The following PDE2A variants were observed in gnomAD, a reference collection of about 807,000 sequenced individuals.
PDE2A encodes the protein cGMP-dependent 3',5'-cyclic phosphodiesterase.
A neutral mutation model predicts 133.6 loss-of-function variants in PDE2A; 53 were observed. The ratio of observed to expected loss-of-function variants is 0.40; its 90% confidence interval spans 0.32 to 0.50. The LOEUF is 0.50. Ranked by LOEUF, PDE2A falls within the 20% of genes least tolerant of loss-of-function variation. The probability of loss-of-function intolerance (pLI) is 0.73; values close to 1 mark genes in which losing one functional copy is unlikely to be tolerated. For synonymous variants in PDE2A, 491 were observed against 490.2 expected (o/e 1.00, Z -0.02); for missense variants, 796 against 1,232.4 (o/e 0.65, Z 5.30).
chr11:72,646,553 C>T (rs1462043470), intron 1 of PDE2A, among the ~76,000 whole-genome samples: 3 of 152,208 alleles, frequency 2.0e-5, no homozygotes, highest in African/African-American at 7.2e-5. Context: ...CCAGGACCCC[C>T]CAAAGCCAGG....
intron 2 of PDE2A, among the ~76,000 whole-genome samples, chr11:72,613,957 C>T (rs980509822): frequency 1.3e-5 from 2 of 152,226 alleles, no homozygotes; most frequent in African/African-American, 2.4e-5. Flanking sequence ...CAAGCACAGC[C>T]GCCCAGTCAG....
At position 72,590,532 on chromosome 11, in the gene PDE2A, T is replaced by C; in HGVS notation, c.598A>G (p.Arg200Gly). Residue 200 changes from arginine to glycine, a missense_variant, in exon 8 of 31, where the codon AGG becomes GGG. This residue lies in a region of PDE2A where 417 missense variants were observed against 475.3 expected (regional missense o/e 0.88). Transcript: ENST00000334456. This position sits in a 1 kb window ranked among gnomAD's most constrained non-coding sequence, Gnocchi z 4.8. ...TTCTGGACGGCTCGGGGAGCCTCCCTGGGCCCGCGCTGCTGCAGGACCTGC... is the reference window on the plus strand; with the variant it reads ...TTCTGGACGGCTCGGGGAGCCTCCCCGGGCCCGCGCTGCTGCAGGACCTGC... ...RVQVLQQRGP[R>G]EAPRAVQNPP... The C allele has an allele frequency of 6.9e-7, 1 of 1,449,704 alleles. No homozygotes were observed. Among genetic ancestry groups the C allele is most frequent in the Non-Finnish European group, 9.0e-7 (1 of 1,107,376 alleles). The allele number at this position is 1,449,704 out of a possible 1,614,324, so 89.8% of individuals were successfully genotyped here.
chr11:72,657,774 G>T (rs1157479541), intron 1 of PDE2A: 6 of 453,962 alleles, frequency 1.3e-5, no homozygotes, highest in Non-Finnish European at 2.6e-5. Context: ...CCCCAATCCA[G>T]CTGTGCCCTT....
At position 72,577,479 on chromosome 11, in the gene PDE2A, T is replaced by C; in HGVS notation, c.2731A>G (p.Asn911Asp). ...KFTIRGLPSN[N>D]SLDFLDEEYE... ...TCCTCATCCAGGAAGTCCAGCGAGT[T>C]GTTACTTGGGAGGCCGCGGATGGTG... The change falls in exon 31 of 31, where the codon AAC becomes GAC. Residue 911 changes from asparagine (N) to aspartate (D), a missense_variant. Transcript: ENST00000334456. The C allele has an allele frequency of 3.1e-6, 5 of 1,613,962 alleles. No homozygotes were observed. Among genetic ancestry groups the C allele is most frequent in the Admixed American group, 1.7e-5 (1 of 60,010 alleles).
intron 2 of PDE2A, among the ~76,000 whole-genome samples, chr11:72,609,056 G>A (rs1005845037): frequency 2.6e-5 from 4 of 152,138 alleles, no homozygotes; most frequent in African/African-American, 9.7e-5. Flanking sequence ...TCTAGTCGAG[G>A]ACAATTCTGG....
chr11:72,633,739 G>A (rs566723523), intron 2 of PDE2A, among the ~76,000 whole-genome samples: 1 of 152,350 alleles, frequency 6.6e-6, no homozygotes, highest in African/African-American at 2.4e-5. Context: ...AGCAGGGATA[G>A]TGAAGGAGAG....
chr11:72,607,611 G>A (rs980819935), intron 3 of PDE2A, among the ~76,000 whole-genome samples: 1 of 152,178 alleles, frequency 6.6e-6, no homozygotes, highest in African/African-American at 2.4e-5. Context: ...GGGCTGCTTA[G>A]ATACCAAGTC....
chr11:72,609,724 G>A (rs763064363), intron 2 of PDE2A, among the ~76,000 whole-genome samples: 13 of 152,074 alleles, frequency 8.5e-5, no homozygotes, highest in Non-Finnish European at 1.9e-4. Flanking sequence ...ATGCCCTCCC[G>A]CAAGCCCTTG....
Position 72,584,670 on chromosome 11 carries a change from C to G in PDE2A, c.1418G>C (p.Gly473Ala). 1 of 1,613,362 alleles carries G rather than the reference C, an allele frequency of 6.2e-7. No individual in the cohort carries two copies. The highest frequency in any genetic ancestry group is 2.2e-5 in the East Asian group (1 of 44,890). The change falls in exon 18 of 31, where the codon GGC becomes GCC. Residue 473 changes from glycine to alanine, a missense_variant. By Grantham distance (60) the Gly-to-Ala change is moderately conservative (BLOSUM62 0). Coordinates refer to ENST00000334456, the MANE Select transcript of PDE2A (RefSeq NM_002599.5). ...QGIAGHVATT[G>A]QILNIPDAYA... ...TGCGTCAGGGATGTTCAGGATCTGG[C>G]CCGTGGTCGCCACGTGTCCCGCGAT...
Position 72,590,622 on chromosome 11 carries a change from T to G in PDE2A, c.550-42A>C. 1 of 1,333,768 alleles carries G rather than the reference T, an allele frequency of 7.5e-7. No homozygotes were observed. 82.6% of individuals were successfully genotyped at this position (1,333,768 alleles called of 1,614,324 possible). A position where few individuals can be genotyped will look rare whatever the true frequency, so the allele number is the denominator to read the frequency against. On this transcript the variant is annotated intron_variant, in intron 7 of 30. Transcript: ENST00000334456. This position sits in a 1 kb window ranked among gnomAD's most constrained non-coding sequence, Gnocchi z 4.8. ...GGTTAGCGCGCCGCTCGCCCCAAGC[T>G]CGCTGCGCTTGCTGCAGCGGGATTC...
intron 1 of PDE2A, among the ~76,000 whole-genome samples, chr11:72,657,666 G>A (rs186074198): frequency 6.6e-6 from 1 of 152,218 alleles, no homozygotes; most frequent in South Asian, 2.1e-4. Flanking sequence ...GGCCTATGAG[G>A]TGTGAGGAGA....
In PDE2A at chr11:72,597,755, C is replaced by A; in HGVS notation, c.324-136G>T. ...AAGCTGACCTGCCTCAGGTTGGACA[C>A]GATGACAGCACAAGTAAAAAAGTAG... On this transcript the variant is annotated intron_variant, in intron 4 of 30. Transcript: ENST00000334456. The surrounding 1 kb of genome is among the most constrained non-coding windows in gnomAD (Gnocchi z 4.6). 1 of 605,416 alleles carries A rather than the reference C, an allele frequency of 1.7e-6. No homozygotes were observed. Among genetic ancestry groups the A allele is most frequent in the East Asian group, 2.8e-5 (1 of 35,416 alleles). 37.5% of individuals were successfully genotyped at this position (605,416 alleles called of 1,614,324 possible).
Position 72,590,268 on chromosome 11 carries a change from G to A in PDE2A, c.704-24C>T. On this transcript the variant is annotated intron_variant, in intron 8 of 30. Transcript: ENST00000334456. The surrounding 1 kb of genome is among the most constrained non-coding windows in gnomAD (Gnocchi z 4.8). ...CCCTGCAAGGGCCAGGCGCCGGTCA[G>A]AGAGAGGGCCCCTCCGCACCTCCGT... The A allele has an allele frequency of 6.4e-7, 1 of 1,550,656 alleles. No homozygotes were observed.
Position 72,590,556 on chromosome 11 carries a change from G to A in PDE2A, c.574C>T (p.Gln192Ter). Residue 192 changes from glutamine to a stop codon, truncating the protein, a stop_gained, in exon 8 of 31, where the codon CAG becomes TAG. Transcript: ENST00000334456. LOFTEE classifies it high-confidence loss of function. This position sits in a 1 kb window ranked among gnomAD's most constrained non-coding sequence, Gnocchi z 4.8. ...CTGGGCCCGCGCTGCTGCAGGACCT[G>A]CACCCTCCGCAGGGCGACCAGGGTC... ...KHTLVALRRV[Q>*]VLQQRGPREA... 2 of 1,398,754 alleles carry A rather than the reference G, an allele frequency of 1.4e-6. No homozygotes were observed. The highest frequency in any genetic ancestry group is 9.2e-7 in the Non-Finnish European group (1 of 1,082,208). 86.6% of individuals were successfully genotyped at this position (1,398,754 alleles called of 1,614,324 possible).
At chr11:72,668,621 G>C (rs1855305299) in intron 1 of PDE2A, among the ~76,000 whole-genome samples, 1 of 152,258 alleles carries the variant, frequency 6.6e-6, no homozygotes, top group Admixed American at 6.5e-5. Context: ...TGTGGATTTG[G>C]ATCAAAAGAG....
chr11:72,646,476 T>G (rs1420720080), intron 1 of PDE2A, among the ~76,000 whole-genome samples: 1 of 152,208 alleles, frequency 6.6e-6, no homozygotes, highest in Non-Finnish European at 1.5e-5. Context: ...TATAGGAATG[T>G]GAACCCTGGC....
At chr11:72,633,488 G>T (rs1858523356) in intron 2 of PDE2A, among the ~76,000 whole-genome samples, 1 of 152,194 alleles carries the variant, frequency 6.6e-6, no homozygotes, top group African/African-American at 2.4e-5. Flanking sequence ...GTCTTCAGGG[G>T]TCCTAAGGGG....
At position 72,581,391 on chromosome 11, in the gene PDE2A, G is replaced by A; in HGVS notation, c.2011C>T (p.Leu671Phe). Residue 671 changes from leucine to phenylalanine, a missense_variant, in exon 23 of 31, where the codon CTC (leucine) becomes TTC (phenylalanine). Physicochemically the swap from Leu to Phe is conservative, Grantham distance 22. Around this residue, in one of 7 missense-constraint regions of PDE2A, gnomAD observed 218 missense variants for 465.9 expected, o/e 0.47. Coordinates refer to ENST00000334456, the MANE Select transcript of PDE2A (RefSeq NM_002599.5). Reference sequence around the variant, plus strand: ...TTGGTGAGCTCCAGGTTCTTGTAGAGCAGGTAGCAGAAGTGGGAGACAGAA... The same window carrying A: ...TTGGTGAGCTCCAGGTTCTTGTAGAACAGGTAGCAGAAGTGGGAGACAGAA... Reference protein sequence around the residue: ...AFSVSHFCYLLYKNLELTNYL... With the variant: ...AFSVSHFCYLFYKNLELTNYL... The A allele has an allele frequency of 6.2e-7, 1 of 1,613,074 alleles. No homozygotes were observed. Among genetic ancestry groups the A allele is most frequent in the Non-Finnish European group, 8.5e-7 (1 of 1,179,794 alleles).
intron 6 of PDE2A, among the ~76,000 whole-genome samples, chr11:72,594,021 G>A (rs1389302215): frequency 6.6e-6 from 1 of 152,188 alleles, no homozygotes; most frequent in Non-Finnish European, 1.5e-5. Flanking sequence ...CAAGTAGCTG[G>A]GGTTATGCTC....
Sources: allele counts gnomAD v4.1 joint callset (sites outside exome capture counted in the v4.1 genomes callset), GRCh38; gene constraint gnomAD v4.1.1; regional missense constraint gnomAD v4.1.1; non-coding constraint Gnocchi (gnomAD v3.1); transcripts MANE v1.5; gene names NCBI Gene and HGNC (gene_info 2026-07-23, HGNC 2026-07-21).